The following DOCK3 variants were observed in gnomAD, a reference collection of about 807,000 sequenced individuals.
DOCK3 encodes dedicator of cytokinesis 3.
In DOCK3, 60 loss-of-function variants were observed where a neutral mutation model predicts 265.6. The ratio of observed to expected loss-of-function variants is 0.23; its 90% CI spans 0.18 to 0.28. The LOEUF is 0.28. Among genes scored for constraint, DOCK3 ranks in the 10% least tolerant of loss-of-function variants. The pLI, the probability that DOCK3 is intolerant of heterozygous loss-of-function variation, is 1.00. For synonymous variants in DOCK3, 881 were observed against 938.0 expected, an observed-to-expected ratio of 0.94 and a Z score of 1.11; for missense variants, 1,981 against 2,594.3, an observed-to-expected ratio of 0.76 and a Z score of 5.14.
At chr3:50,881,384 C>G (rs559129104) in intron 3 of DOCK3, 2 of 151,844 alleles carry the variant, frequency 1.3e-5, no homozygotes, top group African/African-American at 4.8e-5. Flanking sequence ...AATCTCAGCC[C>G]AAAATCTCCT....
chr3:50,913,888 T>A (rs1370867022), intron 4 of DOCK3, among the ~76,000 whole-genome samples: 1 of 152,028 alleles, frequency 6.6e-6, no homozygotes, highest in Non-Finnish European at 1.5e-5. Context: ...AGTATGAAGT[T>A]AAAACCAGGT....
intron 4 of DOCK3, among the ~76,000 whole-genome samples, chr3:50,907,224 A>G (rs2049567489): frequency 1.3e-5 from 2 of 152,070 alleles, no homozygotes; most frequent in Admixed American, 1.3e-4. Context: ...AAGAATGTAT[A>G]TTCTTTTGAT....
At chr3:50,875,705 A>G (rs2047670963) in intron 3 of DOCK3, among the ~76,000 whole-genome samples, 1 of 152,140 alleles carries the variant, frequency 6.6e-6, no homozygotes, top group Admixed American at 6.6e-5. Flanking sequence ...TGAGTATTTA[A>G]TATTTTGTAG....
intron 9 of DOCK3, among the ~76,000 whole-genome samples, chr3:51,139,803 G>A (rs2084965815): frequency 6.6e-6 from 1 of 152,244 alleles, no homozygotes; most frequent in Non-Finnish European, 1.5e-5. Flanking sequence ...AGATCTGAAG[G>A]ATGGCAGTGA....
chr3:51,308,644 C>G (rs149891359), intron 27 of DOCK3, among the ~76,000 whole-genome samples: 3,569 of 152,350 alleles, frequency 0.023, 153 homozygotes, highest in African/African-American at 0.081. Context: ...AGCAACCATC[C>G]CATTTCTCAA....
rs2086659469 is a variant in DOCK3 at position 51,360,527 on chromosome 3, A to G, written c.4901A>G (p.Asp1634Gly). The G allele has an allele frequency of 9.9e-6, 16 of 1,611,630 alleles. No homozygotes were observed. The highest frequency in any genetic ancestry group is 1.4e-5 in the Non-Finnish European group (16 of 1,178,870). ...ASLYHEFPGL[D>G]KLSPACSGTS... ...TCTCAACAGGAGTTTCCAGGTTTGG[A>G]TAAGCTAAGTCCTGCATGTTCAGGC... is the stretch of plus-strand genomic sequence containing the variant. The change falls in exon 47 of 53, where the codon GAT (aspartate) becomes GGT (glycine). Residue 1634 changes from aspartate (D) to glycine (G), a missense_variant. Asp to Gly is a moderately conservative substitution (Grantham distance 94). This residue lies in a region of DOCK3 where 1,357 missense variants were observed against 1,866.8 expected (regional missense o/e 0.73). Coordinates refer to ENST00000266037, the MANE Select transcript of DOCK3 (RefSeq NM_004947.5).
chr3:51,028,938 G>A (rs1236882966), intron 5 of DOCK3, among the ~76,000 whole-genome samples: 3 of 152,122 alleles, frequency 2.0e-5, no homozygotes. Context: ...GGCATCCATT[G>A]CTAGAGAGCT....
chr3:50,996,376 C>T (rs951368546), intron 5 of DOCK3, among the ~76,000 whole-genome samples: 2 of 151,754 alleles, frequency 1.3e-5, no homozygotes, highest in African/African-American at 4.8e-5. Context: ...TACCACCACG[C>T]CTGGCTAATT....
At chr3:51,023,070 G>C (rs2079661899) in intron 5 of DOCK3, among the ~76,000 whole-genome samples, 1 of 152,110 alleles carries the variant, frequency 6.6e-6, no homozygotes. Context: ...AATTCTTTGA[G>C]CTTCTTGTAG....
chr3:51,213,250 A>G (rs2089610769), intron 13 of DOCK3, among the ~76,000 whole-genome samples: 1 of 152,086 alleles, frequency 6.6e-6, no homozygotes, highest in Non-Finnish European at 1.5e-5. Context: ...CCTCCTGTCA[A>G]CCCATAGATC....
chr3:51,119,461 A>G (rs922603656), intron 9 of DOCK3, among the ~76,000 whole-genome samples: 1 of 151,978 alleles, frequency 6.6e-6, no homozygotes, highest in African/African-American at 2.4e-5. Flanking sequence ...GTTCTTCTCA[A>G]ATAGTATCTT....
intron 7 of DOCK3, among the ~76,000 whole-genome samples, chr3:51,078,916 CTTTTTATCTCATGTA>C (rs889926939): frequency 1.3e-5 from 2 of 152,106 alleles, no homozygotes; most frequent in Admixed American, 1.3e-4. Flanking sequence ...AATTTCCTGT[CTTTTTATCTCATGTA>C]TTTGCTTTTT....
intron 5 of DOCK3, among the ~76,000 whole-genome samples, chr3:51,045,392 A>T (rs1236082145): frequency 6.6e-6 from 1 of 152,148 alleles, no homozygotes; most frequent in East Asian, 1.9e-4. Flanking sequence ...GAACAATTAC[A>T]ATAGTAACAT....
intron 5 of DOCK3, among the ~76,000 whole-genome samples, chr3:50,954,717 A>C (rs946367880): frequency 6.6e-6 from 1 of 152,136 alleles, no homozygotes; most frequent in Non-Finnish European, 1.5e-5. Context: ...TAGATGATGG[A>C]TATTAGAATT....
At chr3:50,762,200 A>G (rs943070961) in intron 1 of DOCK3, among the ~76,000 whole-genome samples, 7 of 152,086 alleles carry the variant, frequency 4.6e-5, no homozygotes, top group Admixed American at 2.0e-4. Context: ...GCACATGTAT[A>G]TATATGTCAC....
At chr3:50,986,167 C>T (rs2077892905) in intron 5 of DOCK3, among the ~76,000 whole-genome samples, 1 of 151,962 alleles carries the variant, frequency 6.6e-6, no homozygotes, top group Non-Finnish European at 1.5e-5. Flanking sequence ...TCCCTTAGGA[C>T]CCAAGAATAC....
chr3:50,935,325 C>T (rs577004111), intron 5 of DOCK3, among the ~76,000 whole-genome samples: 249 of 152,320 alleles, frequency 1.6e-3, no homozygotes, highest in Non-Finnish European at 2.4e-3. Context: ...CATCCTCCCC[C>T]TCCTACAGTA....
At chr3:50,831,647 G>T (rs879459449) in intron 2 of DOCK3, among the ~76,000 whole-genome samples, 1 of 152,122 alleles carries the variant, frequency 6.6e-6, no homozygotes, top group Non-Finnish European at 1.5e-5. Flanking sequence ...CATTTGGGTT[G>T]GTTCCAAGTC....
At chr3:50,973,701 GA>G (rs2077332479) in intron 5 of DOCK3, among the ~76,000 whole-genome samples, 1 of 92,260 alleles carries the variant, frequency 1.1e-5, no homozygotes, top group African/African-American at 4.5e-5. Flanking sequence ...CTAGATCCCT[GA>G]GGAATCGCCA....
Sources: gnomAD v4.1 joint callset for allele counts (sites outside exome capture counted in the v4.1 genomes callset) on GRCh38, gnomAD v4.1.1 for gene constraint, gnomAD v4.1.1 regional missense constraint, MANE v1.5 for transcripts, NCBI Gene and HGNC (gene_info 2026-07-23, HGNC 2026-07-21) for gene names.